TMEM26: variants seen among roughly 807,000 people sequenced by gnomAD.
TMEM26 encodes transmembrane protein 26.
In TMEM26, 38 loss-of-function variants were observed where a neutral mutation model predicts 28.8. The ratio of observed to expected loss-of-function variants is 1.32; its 90% confidence interval spans 1.02 to 1.73. TMEM26 has a LOEUF of 1.73. TMEM26 is among the 40% of genes most tolerant of loss of function. The probability of loss-of-function intolerance (pLI) is 0.00; values close to 1 mark genes in which losing one functional copy is unlikely to be tolerated. For synonymous variants in TMEM26, 227 were observed against 182.9 expected (o/e 1.24, Z -1.95); for missense variants, 518 against 447.1 (o/e 1.16, Z -1.43).
Position 61,453,037 on chromosome 10 carries a change from C to T in TMEM26, c.45G>A (p.Leu15=). 6.2e-7 allele frequency: 1 copy of T among 1,613,846 alleles called. No individual in the cohort carries two copies. Among genetic ancestry groups the T allele is most frequent in the Non-Finnish European group, 8.5e-7 (1 of 1,180,040 alleles). The change falls in exon 1 of 6, where the codon CTG becomes CTA. Residue 15 remains leucine, a synonymous_variant. Transcript: ENST00000399298. ...CCCCGACCAGCGAGTGCAGCAGGAA[C>T]AGCAACCGAGTGGCCAGGGCGTTAA... The part of the protein sequence containing the change: ...VFLNALATRL[L]FLLHSLVGVW...
Position 61,453,029 on chromosome 10 carries a change from A to G in TMEM26, c.53T>C (p.Leu18Pro), listed in dbSNP as rs536568608. 1.9e-6 allele frequency: 3 copies of G among 1,613,848 alleles called. No homozygotes were observed. The African/African-American group carries it at 4.0e-5, about 22-fold the overall frequency. The change falls in exon 1 of 6, where the codon CTG becomes CCG. Residue 18 changes from leucine (L) to proline (P), a missense_variant. Transcript: ENST00000399298. ...NALATRLLFL[L>P]HSLVGVWRVT... ...TCGCCAGACCCCGACCAGCGAGTGC[A>G]GCAGGAACAGCAACCGAGTGGCCAG...
At chr10:61,436,001 T>C (rs1839999388) in intron 2 of TMEM26, among the ~76,000 whole-genome samples, 169 bp downstream of exon 2, 2 of 152,180 alleles carry the variant, frequency 1.3e-5, no homozygotes, top group Admixed American at 1.3e-4. Flanking sequence ...GAGTTTTTTT[T>C]TGGGGGGGCA....
chr10:61,438,555 G>A (rs1840043795), intron 1 of TMEM26, among the ~76,000 whole-genome samples: 1 of 152,094 alleles, frequency 6.6e-6, no homozygotes, highest in African/African-American at 2.4e-5. Flanking sequence ...ACATACAATA[G>A]CTCTTGAAAG....
At chr10:61,432,058 A>T (rs993120320) in intron 2 of TMEM26, among the ~76,000 whole-genome samples, 1 of 151,810 alleles carries the variant, frequency 6.6e-6, no homozygotes, top group East Asian at 1.9e-4. Context: ...AAAGGACATG[A>T]TTTTGCTATT....
In TMEM26 at chr10:61,408,156, A is replaced by T. The variant is rs895361645; in HGVS notation, c.*2166T>A. On this transcript the variant is annotated 3_prime_UTR_variant, in exon 6 of 6. Transcript: ENST00000399298. Reference sequence around the variant, plus strand: ...GGTTAACAAATGCTGCCCCAAGCAGATTTTCCTGGAAAACCTTGCAGAAGC... The same window carrying T: ...GGTTAACAAATGCTGCCCCAAGCAGTTTTTCCTGGAAAACCTTGCAGAAGC... The T allele has an allele frequency of 1.3e-5, 2 of 152,130 alleles. No homozygotes were observed. Among genetic ancestry groups the T allele is most frequent in the Non-Finnish European group, 2.9e-5 (2 of 68,038 alleles). 9.4% of individuals were successfully genotyped at this position (152,130 alleles called of 1,614,324 possible). A position where few individuals can be genotyped will look rare whatever the true frequency, so the allele number is the denominator to read the frequency against.
intron 1 of TMEM26, among the ~76,000 whole-genome samples, chr10:61,439,566 A>G (rs1401944848): frequency 6.6e-6 from 1 of 152,216 alleles, no homozygotes; most frequent in Non-Finnish European, 1.5e-5. Context: ...TTGAATTATT[A>G]TATGTTAGTG....
intron 4 of TMEM26, among the ~76,000 whole-genome samples, chr10:61,428,262 G>C (rs369184865): frequency 6.6e-6 from 1 of 152,028 alleles, no homozygotes; most frequent in Non-Finnish European, 1.5e-5. Context: ...TAAGAAAGTC[G>C]TTCCGTAAAC....
intron 3 of TMEM26, among the ~76,000 whole-genome samples, chr10:61,430,613 C>T (rs1190771990): frequency 6.7e-6 from 1 of 149,454 alleles, no homozygotes; most frequent in East Asian, 1.9e-4. Flanking sequence ...ACGTTTATAG[C>T]AAGGTTGTGG....
intron 5 of TMEM26, chr10:61,413,083 A>C (rs907492815): frequency 9.4e-6 from 6 of 638,844 alleles, no homozygotes; most frequent in Non-Finnish European, 1.4e-5. Flanking sequence ...ACTGTATATT[A>C]CTGAGTCATG....
intron 2 of TMEM26, among the ~76,000 whole-genome samples, chr10:61,431,993 G>C (rs1369802862): frequency 1.3e-5 from 2 of 151,964 alleles, no homozygotes; most frequent in Non-Finnish European, 2.9e-5. Context: ...CTGATTTTCT[G>C]TTCCTGTGTT....
rs903986596 is a variant in TMEM26 at position 61,410,808 on chromosome 10, C to T, written c.683-62G>A. On this transcript the variant is annotated intron_variant, in intron 5 of 5. Coordinates refer to ENST00000399298, the MANE Select transcript of TMEM26 (RefSeq NM_178505.8). Reference sequence around the variant, plus strand: ...GGAAGTGTAGACATATAAGACAATGCCATGGGGACGAGTCATTAACAATGG... The same window carrying T: ...GGAAGTGTAGACATATAAGACAATGTCATGGGGACGAGTCATTAACAATGG... 30 of 1,513,784 alleles carry T rather than the reference C, an allele frequency of 2.0e-5. No individual in the cohort carries two copies. In the South Asian group the frequency reaches 3.7e-4, roughly 19 times the overall value. The allele number at this position is 1,513,784 out of a possible 1,614,324, so 93.8% of individuals were successfully genotyped here.
intron 1 of TMEM26, among the ~76,000 whole-genome samples, chr10:61,438,576 TAAAACAAAC>T (rs1256901411): frequency 6.6e-6 from 1 of 152,094 alleles, no homozygotes; most frequent in African/African-American, 2.4e-5. Flanking sequence ...AGGTTAAAAA[TAAAACAAAC>T]AATACCCTTA....
At chr10:61,424,543 A>AT (rs765661292) in intron 4 of TMEM26, among the ~76,000 whole-genome samples, 14 of 152,088 alleles carry the variant, frequency 9.2e-5, no homozygotes, top group Admixed American at 9.2e-4. Flanking sequence ...TATTTTTTTA[A>AT]TTTTTTACCC....
In TMEM26 at chr10:61,408,293, C is replaced by T. The variant is rs576903313; in HGVS notation, c.*2029G>A. 74 of 152,198 alleles carry T rather than the reference C, an allele frequency of 4.9e-4. No homozygotes were observed. Among genetic ancestry groups the T allele is most frequent in the African/African-American group, 1.5e-3 (63 of 41,516 alleles). 9.4% of individuals were successfully genotyped at this position (152,198 alleles called of 1,614,324 possible). ...ACAGGCTTTTTATTTCTCAAGCCCACGAGGAGTCTAATTACAAAATACTTT... is the reference window on the plus strand; with the variant it reads ...ACAGGCTTTTTATTTCTCAAGCCCATGAGGAGTCTAATTACAAAATACTTT... On this transcript the variant is annotated 3_prime_UTR_variant, in exon 6 of 6. Transcript: ENST00000399298.
chr10:61,442,075 A>C (rs546530699), intron 1 of TMEM26, among the ~76,000 whole-genome samples: 2 of 152,240 alleles, frequency 1.3e-5, no homozygotes, highest in East Asian at 3.9e-4. Context: ...ATATATATAT[A>C]GGTCTTGCTA....
chr10:61,447,467 A>T (rs1336816755), intron 1 of TMEM26, among the ~76,000 whole-genome samples: 2 of 152,156 alleles, frequency 1.3e-5, no homozygotes, highest in African/African-American at 4.8e-5. Flanking sequence ...TTTTTTACAA[A>T]ATTGGTTTGA....
intron 1 of TMEM26, among the ~76,000 whole-genome samples, chr10:61,446,734 G>A (rs577242524): frequency 4.3e-5 from 6 of 139,404 alleles, no homozygotes; most frequent in Admixed American, 8.0e-5. Flanking sequence ...CAGGGGAATC[G>A]CTTGAATCCA....
rs759418278 is a variant in TMEM26 at position 61,436,137 on chromosome 10, A to G, written c.270+33T>C. ...TACTGTGAAAGTAGCTTATTGCTGA[A>G]TAGGTCAATTCCTACTTTCCAAAAA... On this transcript the variant is annotated intron_variant, in intron 2 of 5. Transcript: ENST00000399298. 17 of 1,374,042 alleles carry G rather than the reference A, an allele frequency of 1.2e-5. No individual in the cohort carries two copies. The Admixed American group carries it at 2.7e-4, about 22-fold the overall frequency. 85.1% of individuals were successfully genotyped at this position (1,374,042 alleles called of 1,614,324 possible). A position where few individuals can be genotyped will look rare whatever the true frequency, so the allele number is the denominator to read the frequency against.
At chr10:61,429,808 T>C (rs1408583205) in intron 3 of TMEM26, among the ~76,000 whole-genome samples, 1 of 152,104 alleles carries the variant, frequency 6.6e-6, no homozygotes, top group Non-Finnish European at 1.5e-5. Context: ...ATCCCACCAA[T>C]GTATTCTGGA....
Sources: gnomAD v4.1 joint callset for allele counts (sites outside exome capture counted in the v4.1 genomes callset) on GRCh38, gnomAD v4.1.1 for gene constraint, MANE v1.5 for transcripts, NCBI Gene and HGNC (gene_info 2026-07-23, HGNC 2026-07-21) for gene names.